The following EYS variants were observed in gnomAD, a reference collection of about 807,000 sequenced individuals.
EYS encodes protein eyes shut homolog.
EYS carries 250 observed loss-of-function variants against 282.1 expected under a neutral mutation model. That is an observed-to-expected ratio of 0.89 (90% confidence interval 0.80 to 0.98). The LOEUF is 0.98. Among genes scored for constraint, EYS ranks in the 50% least tolerant of loss-of-function variants. The pLI, the probability that EYS is intolerant of heterozygous loss-of-function variation, is 0.00. For synonymous variants in EYS, 1,355 were observed against 1,282.9 expected, an observed-to-expected ratio of 1.06 and a Z score of -1.20; for missense variants, 4,016 against 3,709.0, an observed-to-expected ratio of 1.08 and a Z score of -2.15.
intron 31 of EYS, among the ~76,000 whole-genome samples, chr6:64,166,215 T>C (rs753782842): frequency 2.4e-4 from 36 of 152,222 alleles, no homozygotes; most frequent in Non-Finnish European, 4.3e-4. Flanking sequence ...TAATGTTTAA[T>C]AATGATAACA....
chr6:65,618,133 C>T (rs1766290476), intron 2 of EYS, among the ~76,000 whole-genome samples: 11 of 152,014 alleles, frequency 7.2e-5, no homozygotes. Flanking sequence ...GCCACACTGA[C>T]TTCCACAATG....
In EYS at chr6:65,266,997, G is replaced by A. The variant is rs945153210; in HGVS notation, c.2023+28866C>T. 2.0e-5 allele frequency among the ~76,000 whole-genome samples: 3 copies of A among 149,020 alleles called. 1 individual carries two copies. Among genetic ancestry groups the A allele is most frequent in the Non-Finnish European group, 3.0e-5 (2 of 67,472 alleles). ...CTTGACATATATATATATAGAGAGAGAGAGAGAGAGAGATCACACATGTAA... is the reference window on the plus strand; with the variant it reads ...CTTGACATATATATATATAGAGAGAAAGAGAGAGAGAGATCACACATGTAA... On this transcript the variant is annotated intron_variant, in intron 12 of 42. Transcript: ENST00000503581.
intron 2 of EYS, among the ~76,000 whole-genome samples, chr6:65,611,979 T>C (rs1379108706): frequency 6.6e-6 from 1 of 151,950 alleles, no homozygotes; most frequent in Non-Finnish European, 1.5e-5. Context: ...TCTAGTAATA[T>C]AGAAAACATT....
intron 8 of EYS, among the ~76,000 whole-genome samples, chr6:65,374,479 G>C (rs1015335784): frequency 6.6e-6 from 1 of 150,790 alleles, no homozygotes; most frequent in Admixed American, 6.7e-5. Context: ...GGCTGTTGGG[G>C]CAGACACTGA....
At chr6:65,106,431 A>T (rs1370619468) in intron 12 of EYS, among the ~76,000 whole-genome samples, 1 of 152,068 alleles carries the variant, frequency 6.6e-6, no homozygotes, top group East Asian at 1.9e-4. Flanking sequence ...TCTTAAATAC[A>T]TAATTATATT....
intron 33 of EYS, among the ~76,000 whole-genome samples, chr6:64,002,337 G>A (rs1768135530): frequency 2.6e-5 from 4 of 152,204 alleles, no homozygotes; most frequent in Admixed American, 2.6e-4. Flanking sequence ...TGTATGATCT[G>A]ATTCTTCTGG....
rs1176639139 is a variant in EYS at position 64,593,287 on chromosome 6, C to A, written c.3707G>T (p.Cys1236Phe). The A allele has an allele frequency of 1.3e-6, 2 of 1,550,040 alleles. No individual in the cohort carries two copies. The highest frequency in any genetic ancestry group is 2.5e-5 in the East Asian group (1 of 40,796). ...GFMTCSIGLL[C>F]GDEIRRITCL... ...GGTAATTCTCCTTATTTCATCACCA[C>A]AAAGAAGCCCAATGGAGCAGGTCTG... The change falls in exon 25 of 43, where the codon TGT becomes TTT. Residue 1236 changes from cysteine (C) to phenylalanine (F), a missense_variant. By Grantham distance (205) the Cys-to-Phe change is radical. Transcript: ENST00000503581.
rs74602289 is a variant in EYS at position 65,299,075 on chromosome 6, C to T, written c.1767-2956G>A. Among the ~76,000 whole-genome samples the T allele has an allele frequency of 9.5e-3, 1,441 of 152,092 alleles. 16 individuals are homozygous for T. The highest frequency in any genetic ancestry group is 0.033 in the African/African-American group (1,377 of 41,530). On this transcript the variant is annotated intron_variant, in intron 11 of 42. Coordinates refer to ENST00000503581, the MANE Select transcript of EYS (RefSeq NM_001142800.2). ...AATCAAGTGTTTAATTTTAATAGTT[C>T]TTATCAAAGCCCTCTCTATAAAGGT... is the stretch of plus-strand genomic sequence containing the variant.
At chr6:65,286,446 C>G (rs1334546007) in intron 12 of EYS, among the ~76,000 whole-genome samples, 2 of 151,720 alleles carry the variant, frequency 1.3e-5, no homozygotes, top group African/African-American at 4.8e-5. Context: ...TCCATCAAGA[C>G]AGATTCTTGA....
At chr6:63,881,779 T>G (rs1008271006) in intron 35 of EYS, among the ~76,000 whole-genome samples, 1 of 152,198 alleles carries the variant, frequency 6.6e-6, no homozygotes, top group Non-Finnish European at 1.5e-5. Flanking sequence ...TACATTAAAG[T>G]GTAACATGGG....
intron 29 of EYS, among the ~76,000 whole-genome samples, chr6:64,361,564 T>C (rs1462585027): frequency 6.6e-6 from 1 of 151,844 alleles, no homozygotes; most frequent in Non-Finnish European, 1.5e-5. Flanking sequence ...ATATTCTAGT[T>C]GTATTGTTGC....
chr6:64,418,749 A>G (rs1303796272), intron 28 of EYS, among the ~76,000 whole-genome samples: 1 of 151,822 alleles, frequency 6.6e-6, no homozygotes, highest in Non-Finnish European at 1.5e-5. Context: ...ATTGGAATAT[A>G]TGACTATAAT....
intron 2 of EYS, among the ~76,000 whole-genome samples, chr6:65,599,024 G>C (rs1235602744): frequency 6.6e-6 from 1 of 151,752 alleles, no homozygotes; most frequent in East Asian, 1.9e-4. Flanking sequence ...TATCCTCAGG[G>C]GATTGGGTTC....
At chr6:64,421,378 T>TA (rs1312546557) in intron 28 of EYS, among the ~76,000 whole-genome samples, 5 of 152,150 alleles carry the variant, frequency 3.3e-5, no homozygotes, top group Non-Finnish European at 7.4e-5. Flanking sequence ...TTATGAGACC[T>TA]AAAATTCAAG....
chr6:64,769,803 A>G (rs931037502), intron 22 of EYS, among the ~76,000 whole-genome samples: 2 of 152,016 alleles, frequency 1.3e-5, no homozygotes, highest in Admixed American at 1.3e-4. Context: ...CTAAAGGACC[A>G]GCATTGGTGG....
At chr6:64,060,518 A>G (rs1771130170) in intron 33 of EYS, among the ~76,000 whole-genome samples, 1 of 152,164 alleles carries the variant, frequency 6.6e-6, no homozygotes, top group South Asian at 2.1e-4. Context: ...TCTTAATTTG[A>G]TATGACCAAA....
At chr6:65,047,735 G>A (rs941448603) in intron 13 of EYS, among the ~76,000 whole-genome samples, 1 of 151,930 alleles carries the variant, frequency 6.6e-6, no homozygotes, top group African/African-American at 2.4e-5. Context: ...TCAGAAATGT[G>A]TGGGGAATTT....
intron 22 of EYS, among the ~76,000 whole-genome samples, chr6:64,760,628 C>T (rs73448429): frequency 0.012 from 1,785 of 152,260 alleles, 42 homozygotes; most frequent in African/African-American, 0.041. Context: ...AATGTGCCCT[C>T]CCAGAAGACC....
chr6:64,551,386 G>A (rs1048292723), intron 26 of EYS, among the ~76,000 whole-genome samples: 43 of 151,916 alleles, frequency 2.8e-4, no homozygotes, highest in Non-Finnish European at 1.6e-4. Flanking sequence ...CCTAGTAGCT[G>A]TTGTTGCACA....
Sources: gnomAD v4.1 joint callset for allele counts (sites outside exome capture counted in the v4.1 genomes callset) on GRCh38, gnomAD v4.1.1 for gene constraint, MANE v1.5 for transcripts, NCBI Gene and HGNC (gene_info 2026-07-23, HGNC 2026-07-21) for gene names.